The following SPAST variants were observed in gnomAD, a reference collection of about 807,000 sequenced individuals.
SPAST encodes the protein spastic paraplegia 4 (autosomal dominant; spastin).
A neutral mutation model predicts 76.6 loss-of-function variants in SPAST; 30 were observed. The observed-to-expected ratio is 0.39, with a 90% confidence interval of 0.29 to 0.53. The LOEUF (loss-of-function observed/expected upper bound fraction) is 0.53, where lower values mean the gene tolerates loss of function less well. SPAST is among the 20% of genes least tolerant of loss of function. The pLI is 0.68. For synonymous variants in SPAST, 305 were observed against 281.0 expected, an observed-to-expected ratio of 1.09 and a Z score of -0.86; for missense variants, 717 against 770.5, an observed-to-expected ratio of 0.93 and a Z score of 0.82.
In SPAST at chr2:32,069,187, T is replaced by G. The variant is rs1292043431; in HGVS notation, c.415+4941T>G. Among the ~76,000 whole-genome samples, 8 of 146,700 alleles carry G rather than the reference T, an allele frequency of 5.5e-5. 1 individual carries two copies. Among genetic ancestry groups the G allele is most frequent in the African/African-American group, 2.0e-4 (8 of 39,378 alleles). On this transcript the variant is annotated intron_variant, in intron 1 of 16. Transcript: ENST00000315285. ...AAGATCACGCCACTGCACGCCAGCC[T>G]GGGCAACAGAGCAAGACTCCATCTC...
At chr2:32,094,228 C>CT (rs1195202039) in intron 3 of SPAST, among the ~76,000 whole-genome samples, 7 of 151,738 alleles carry the variant, frequency 4.6e-5, no homozygotes, top group Admixed American at 2.0e-4. Context: ...CCTCTTTTTT[C>CT]TTTTTTTTGA....
intron 1 of SPAST, among the ~76,000 whole-genome samples, chr2:32,085,398 G>A (rs977547039): frequency 6.6e-6 from 1 of 151,776 alleles, no homozygotes; most frequent in Non-Finnish European, 1.5e-5. Context: ...AAATTTTTTG[G>A]TAGAGATAAA....
At chr2:32,132,525 C>T (rs1217260694) in intron 9 of SPAST, among the ~76,000 whole-genome samples, 1 of 138,744 alleles carries the variant, frequency 7.2e-6, no homozygotes, top group Non-Finnish European at 1.6e-5. Context: ...TAACAAAACT[C>T]AATCTTTTTT....
intron 3 of SPAST, among the ~76,000 whole-genome samples, chr2:32,091,191 G>C (rs948012253): frequency 1.3e-5 from 2 of 150,796 alleles, no homozygotes; most frequent in Non-Finnish European, 2.9e-5. Flanking sequence ...CCTGTGACTT[G>C]GGGTAAGTTA....
chr2:32,132,504 C>A (rs1437085419), intron 9 of SPAST, among the ~76,000 whole-genome samples: 1 of 151,274 alleles, frequency 6.6e-6, no homozygotes, highest in African/African-American at 2.4e-5. Flanking sequence ...CTAATTTTTA[C>A]ATACTTGATT....
intron 15 of SPAST, among the ~76,000 whole-genome samples, chr2:32,146,725 C>T (rs1679897693): frequency 6.6e-6 from 1 of 151,478 alleles, no homozygotes; most frequent in Non-Finnish European, 1.5e-5. Context: ...ATTAGCCAGG[C>T]GTGGTTGTGC....
Position 32,087,486 on chromosome 2 carries a change from T to G in SPAST, c.416-6T>G. ...CGATCTATACAAATAATTTTTTATT[T>G]TAAAGCAGGACAGAAGGAGCAAGCT... On this transcript the variant is annotated splice_polypyrimidine_tract_variant and splice_region_variant and intron_variant, in intron 1 of 16. Coordinates refer to ENST00000315285, the MANE Select transcript of SPAST (RefSeq NM_014946.4). 6.3e-7 allele frequency: 1 copy of G among 1,581,044 alleles called. No individual in the cohort carries two copies. The highest frequency in any genetic ancestry group is 8.7e-7 in the Non-Finnish European group (1 of 1,151,682).
chr2:32,141,552 C>T (rs1479617251), intron 12 of SPAST, among the ~76,000 whole-genome samples: 1 of 152,120 alleles, frequency 6.6e-6, no homozygotes, highest in Non-Finnish European at 1.5e-5. Flanking sequence ...ATAAATGTTA[C>T]CTAGTTTGTT....
chr2:32,064,428 C>T (rs1299653926), intron 1 of SPAST, among the ~76,000 whole-genome samples, 182 bp downstream of exon 1: 5 of 152,304 alleles, frequency 3.3e-5, no homozygotes, highest in Admixed American at 1.3e-4. Flanking sequence ...CTTAAAACCT[C>T]TCCCCTTTCA....
intron 3 of SPAST, among the ~76,000 whole-genome samples, chr2:32,090,878 C>T (rs1677680811): frequency 6.6e-6 from 1 of 152,022 alleles, no homozygotes; most frequent in South Asian, 2.1e-4. Flanking sequence ...AGACTACTTC[C>T]TAGGTGGTTG....
At chr2:32,097,622 CA>C (rs2148716668) in intron 3 of SPAST, among the ~76,000 whole-genome samples, 1 of 151,928 alleles carries the variant, frequency 6.6e-6, no homozygotes, top group South Asian at 2.1e-4. Context: ...ATTTCCCAGA[CA>C]ATCCTTATAG....
chr2:32,140,726 C>T (rs1293396528), intron 12 of SPAST, among the ~76,000 whole-genome samples: 3 of 148,982 alleles, frequency 2.0e-5, no homozygotes, highest in East Asian at 1.9e-4. Flanking sequence ...AGACCAGCCT[C>T]GCCAACGTGG....
intron 3 of SPAST, among the ~76,000 whole-genome samples, chr2:32,096,132 C>A (rs922309931): frequency 1.4e-4 from 22 of 152,284 alleles, no homozygotes; most frequent in Admixed American, 1.3e-3. Flanking sequence ...AAACATTAGT[C>A]CTTTAACAGA....
At chr2:32,104,274 AC>A (rs764507738) in intron 4 of SPAST, among the ~76,000 whole-genome samples, 28 of 151,574 alleles carry the variant, frequency 1.8e-4, no homozygotes, top group Non-Finnish European at 3.4e-4. Flanking sequence ...TGGATTGCAA[AC>A]CCTGCTTTTT....
At chr2:32,087,694 C>CTTTT (rs770566493) in intron 2 of SPAST, 116 bp downstream of exon 2, 156 of 186,124 alleles carry the variant, frequency 8.4e-4, no homozygotes, top group South Asian at 2.0e-3. Flanking sequence ...CTTTTCTTTT[C>CTTTT]TTTTTTTTTT....
intron 9 of SPAST, among the ~76,000 whole-genome samples, chr2:32,134,540 G>A (rs1444972625): frequency 1.3e-5 from 2 of 152,020 alleles, no homozygotes; most frequent in Non-Finnish European, 2.9e-5. Context: ...CTGGGCTCAA[G>A]TGATCCTCCC....
intron 16 of SPAST, among the ~76,000 whole-genome samples, chr2:32,153,608 G>C (rs1037256474): frequency 2.6e-5 from 4 of 151,832 alleles, no homozygotes; most frequent in Non-Finnish European, 5.9e-5. Context: ...GAGCCACCGT[G>C]CTTGGCCAAA....
intron 16 of SPAST, among the ~76,000 whole-genome samples, chr2:32,153,470 C>T (rs1028048902): frequency 6.6e-6 from 1 of 151,776 alleles, no homozygotes; most frequent in Admixed American, 6.6e-5. Flanking sequence ...ATTACAGGCA[C>T]CTGCCTGGCT....
intron 4 of SPAST, among the ~76,000 whole-genome samples, chr2:32,106,941 T>C (rs1678347396): frequency 6.6e-6 from 1 of 151,754 alleles, no homozygotes; most frequent in African/African-American, 2.4e-5. Context: ...AATAGTTAAG[T>C]TTCTAAAATA....
Sources: gnomAD v4.1 joint callset for allele counts (sites outside exome capture counted in the v4.1 genomes callset) on GRCh38, gnomAD v4.1.1 for gene constraint, MANE v1.5 for transcripts, NCBI Gene and HGNC (gene_info 2026-07-23, HGNC 2026-07-21) for gene names.